The following IGFBP7 variants were observed in gnomAD, a reference collection of about 807,000 sequenced individuals.
IGFBP7 encodes insulin-like growth factor-binding protein 7.
Under a neutral mutation model 29.4 loss-of-function variants are expected in IGFBP7, and 31 were observed. The ratio of observed to expected loss-of-function variants is 1.05; its 90% confidence interval spans 0.79 to 1.42. The LOEUF is 1.42. Among genes scored for constraint, IGFBP7 ranks in the 40% most tolerant of loss-of-function variants. IGFBP7 has a pLI of 0.00. For synonymous variants in IGFBP7, 172 were observed against 174.9 expected (o/e 0.98, Z 0.13); for missense variants, 393 against 395.5 (o/e 0.99, Z 0.05).
At chr4:57,072,902 C>A in intron 1 of IGFBP7, 1 of 701,420 alleles carries the variant, frequency 1.4e-6, no homozygotes, top group South Asian at 1.4e-5. Flanking sequence ...GCCCTGCTAC[C>A]ACCCCAACAT....
At chr4:57,097,225 T>C (rs1178505119) in intron 1 of IGFBP7, among the ~76,000 whole-genome samples, 2 of 152,204 alleles carry the variant, frequency 1.3e-5, no homozygotes, top group Admixed American at 6.5e-5. Flanking sequence ...TTAAAAATAA[T>C]GTGAGTGACA....
intron 1 of IGFBP7, among the ~76,000 whole-genome samples, chr4:57,066,676 GC>G (rs1480943163): frequency 6.6e-6 from 1 of 151,528 alleles, no homozygotes; most frequent in Non-Finnish European, 1.5e-5. Context: ...TGATTCTCCT[GC>G]CTTAGCCTCC....
At position 57,109,922 on chromosome 4, in the gene IGFBP7, C is replaced by A. The variant is rs374058333; in HGVS notation, c.430G>T (p.Gly144Trp). 1 of 1,557,340 alleles carries A rather than the reference C, an allele frequency of 6.4e-7. No individual in the cohort carries two copies. The change falls in exon 1 of 5, where the codon GGG (glycine) becomes TGG (tryptophan). Residue 144 changes from glycine (G) to tryptophan (W), a missense_variant. Coordinates refer to ENST00000295666, the MANE Select transcript of IGFBP7 (RefSeq NM_001553.3). ...CTGACCTGGGTGATGGCCTTCTCCCCGCGGCTCTCGGCCCTCTGGCTGGCG... is the reference window on the plus strand; with the variant it reads ...CTGACCTGGGTGATGGCCTTCTCCCAGCGGCTCTCGGCCCTCTGGCTGGCG... The part of the protein sequence containing the change: ...RAASQRAESR[G>W]EKAITQVSKG...
At chr4:57,107,391 T>A (rs1262088838) in intron 1 of IGFBP7, among the ~76,000 whole-genome samples, 2 of 152,142 alleles carry the variant, frequency 1.3e-5, no homozygotes, top group Non-Finnish European at 2.9e-5. Flanking sequence ...AACCTAGAGG[T>A]CTAGAGGAAC....
At chr4:57,054,277 G>T (rs1578619386) in intron 1 of IGFBP7, among the ~76,000 whole-genome samples, 1 of 151,798 alleles carries the variant, frequency 6.6e-6, no homozygotes, top group Admixed American at 6.6e-5. Context: ...CATCTTTAAA[G>T]CTTAGTCTCT....
rs115409189 is a variant in IGFBP7, at chr4:57,105,299, T to C, written c.475+4578A>G. ...GTGTGAAAATATGTTTCCTTGTTTC[T>C]GTGTATCTTATTCAAGGCTACTTAC... On this transcript the variant is annotated intron_variant, in intron 1 of 4. Coordinates refer to ENST00000295666, the MANE Select transcript of IGFBP7 (RefSeq NM_001553.3). Among the ~76,000 whole-genome samples, 526 of 152,372 alleles carry C rather than the reference T, an allele frequency of 3.5e-3. 3 individuals are homozygous for C. The highest frequency in any genetic ancestry group is 0.012 in the African/African-American group (504 of 41,588).
At chr4:57,109,026 A>C (rs1441232731) in intron 1 of IGFBP7, among the ~76,000 whole-genome samples, 2 of 152,264 alleles carry the variant, frequency 1.3e-5, no homozygotes, top group Non-Finnish European at 2.9e-5. Flanking sequence ...AACAAAGTGC[A>C]TCACAAAAAC....
At chr4:57,060,286 C>T (rs1012686773) in intron 1 of IGFBP7, among the ~76,000 whole-genome samples, 1 of 152,140 alleles carries the variant, frequency 6.6e-6, no homozygotes, top group African/African-American at 2.4e-5. Context: ...TTTATTTTTG[C>T]AACCAGTTAC....
At chr4:57,097,655 T>G (rs1036781938) in intron 1 of IGFBP7, among the ~76,000 whole-genome samples, 1 of 47,570 alleles carries the variant, frequency 2.1e-5, no homozygotes, top group Non-Finnish European at 8.0e-5. Flanking sequence ...ATTGCCTCAC[T>G]TAACTTCACA....
At chr4:57,067,339 T>C (rs2109771666) in intron 1 of IGFBP7, among the ~76,000 whole-genome samples, 1 of 152,164 alleles carries the variant, frequency 6.6e-6, no homozygotes, top group East Asian at 1.9e-4. Flanking sequence ...TTTTTTTTTG[T>C]TAGTCTTGTA....
chr4:57,084,419 C>T (rs1578641682), intron 1 of IGFBP7, among the ~76,000 whole-genome samples: 2 of 152,168 alleles, frequency 1.3e-5, no homozygotes, highest in South Asian at 4.1e-4. Context: ...AAATGGTGTG[C>T]AATGAATTCA....
At chr4:57,043,546 G>T (rs1724283024) in intron 1 of IGFBP7, among the ~76,000 whole-genome samples, 1 of 152,194 alleles carries the variant, frequency 6.6e-6, no homozygotes, top group Non-Finnish European at 1.5e-5. Flanking sequence ...ACCCCAGTGT[G>T]CAAGATTTTC....
At chr4:57,100,071 C>CTTTTTTTT (rs10669251) in intron 1 of IGFBP7, among the ~76,000 whole-genome samples, 3 of 115,752 alleles carry the variant, frequency 2.6e-5, no homozygotes, top group African/African-American at 6.8e-5. Context: ...TCTTTTCTTT[C>CTTTTTTTT]TTTTTTTTTT....
At chr4:57,059,935 A>C (rs916613575) in intron 1 of IGFBP7, among the ~76,000 whole-genome samples, 4 of 152,174 alleles carry the variant, frequency 2.6e-5, no homozygotes, top group Non-Finnish European at 5.9e-5. Flanking sequence ...AATAATAACT[A>C]ACTAAATCAC....
chr4:57,069,331 A>G lies in IGFBP7; in HGVS notation c.476-28398T>C, dbSNP rs1224455024. ...AGGCCTGGGGTGATGGCTCATGCCTATAATCCCAGTGCTTTGGGAGGCCGA... is the reference window on the plus strand; with the variant it reads ...AGGCCTGGGGTGATGGCTCATGCCTGTAATCCCAGTGCTTTGGGAGGCCGA... On this transcript the variant is annotated intron_variant, in intron 1 of 4. Transcript: ENST00000295666. 3.9e-5 allele frequency among the ~76,000 whole-genome samples: 6 copies of G among 152,158 alleles called. No homozygotes were observed. In the East Asian group the frequency reaches 9.6e-4, roughly 24 times the overall value.
chr4:57,049,808 G>A (rs1262596136), intron 1 of IGFBP7, among the ~76,000 whole-genome samples: 1 of 152,144 alleles, frequency 6.6e-6, no homozygotes, highest in Non-Finnish European at 1.5e-5. Flanking sequence ...CAGAGCTCAG[G>A]CTGTGTGAAG....
chr4:57,053,567 C>T (rs1724568483), intron 1 of IGFBP7, among the ~76,000 whole-genome samples: 2 of 152,146 alleles, frequency 1.3e-5, no homozygotes, highest in Non-Finnish European at 1.5e-5. Flanking sequence ...GATGAGGTAA[C>T]ATGGGGCTGT....
chr4:57,039,801 T>G (rs1344484790), intron 2 of IGFBP7, among the ~76,000 whole-genome samples: 1 of 151,936 alleles, frequency 6.6e-6, no homozygotes, highest in South Asian at 2.1e-4. Flanking sequence ...ATTAAAAAAA[T>G]TATTTGTAAG....
chr4:57,039,643 CTTT>C (rs10716496), intron 2 of IGFBP7, among the ~76,000 whole-genome samples: 5 of 128,660 alleles, frequency 3.9e-5, no homozygotes, highest in African/African-American at 3.0e-5. Context: ...AATTCACACT[CTTT>C]TTTTTTTTTT....
Sources: gnomAD v4.1 joint callset for allele counts (sites outside exome capture counted in the v4.1 genomes callset) on GRCh38, gnomAD v4.1.1 for gene constraint, MANE v1.5 for transcripts, NCBI Gene and HGNC (gene_info 2026-07-23, HGNC 2026-07-21) for gene names.